The following ROBO2 variants were observed in gnomAD, a reference collection of about 807,000 sequenced individuals.
ROBO2 encodes roundabout guidance receptor 2, also known as roundabout homolog 2.
ROBO2 carries 53 observed loss-of-function variants against 160.8 expected under a neutral mutation model. That is an observed-to-expected ratio of 0.33 (90% CI 0.26 to 0.41). The LOEUF (loss-of-function observed/expected upper bound fraction) is 0.41, where lower values mean the gene tolerates loss of function less well. Ranked by LOEUF, ROBO2 falls within the 10% of genes least tolerant of loss-of-function variation. ROBO2 has a pLI of 1.00. For synonymous variants in ROBO2, 664 were observed against 611.7 expected, an observed-to-expected ratio of 1.09 and a Z score of -1.26; for missense variants, 1,577 against 1,722.4, an observed-to-expected ratio of 0.92 and a Z score of 1.49.
In ROBO2 at chr3:76,166,692, G is replaced by A. The variant is rs2072852447; in HGVS notation, c.109+229090G>A. Among the ~76,000 whole-genome samples, 4 of 152,046 alleles carry A rather than the reference G, an allele frequency of 2.6e-5. No homozygotes were observed. In the South Asian group the frequency reaches 8.3e-4, roughly 32 times the overall value. ...AATCACATATAAAAAAAAAATCCCA[G>A]CATAATATACATGAGAATACACTAG... On this transcript the variant is annotated intron_variant, in intron 2 of 26. Transcript: ENST00000487694.
intron 5 of ROBO2, among the ~76,000 whole-genome samples, chr3:77,500,905 C>G (rs1444430283): frequency 6.6e-6 from 1 of 152,148 alleles, no homozygotes; most frequent in East Asian, 1.9e-4. Flanking sequence ...GGTCAACTAA[C>G]AAGCTGGAAC....
intron 2 of ROBO2, among the ~76,000 whole-genome samples, chr3:77,186,476 G>A (rs931254355): frequency 3.9e-5 from 6 of 151,994 alleles, no homozygotes; most frequent in Non-Finnish European, 7.4e-5. Context: ...GAGCATGCAG[G>A]CAAGGCTGAG....
At chr3:76,199,625 T>C (rs1381864301) in intron 2 of ROBO2, among the ~76,000 whole-genome samples, 2 of 152,070 alleles carry the variant, frequency 1.3e-5, no homozygotes, top group Non-Finnish European at 2.9e-5. Context: ...ACCCACAAAC[T>C]CTGCAACAGC....
chr3:77,094,763 T>G (rs2070810617), intron 1 of ROBO2, among the ~76,000 whole-genome samples: 1 of 152,198 alleles, frequency 6.6e-6, no homozygotes, highest in South Asian at 2.1e-4. Context: ...TAGTTTCGAT[T>G]TGCATTTTTC....
At chr3:76,962,599 T>C (rs2079750979) in intron 2 of ROBO2, among the ~76,000 whole-genome samples, 1 of 145,146 alleles carries the variant, frequency 6.9e-6, no homozygotes, top group Non-Finnish European at 1.5e-5. Flanking sequence ...GATCGTGCCA[T>C]TGCACTCTAG....
chr3:76,871,198 T>C (rs549452975), intron 2 of ROBO2, among the ~76,000 whole-genome samples: 19 of 152,360 alleles, frequency 1.2e-4, no homozygotes, highest in Non-Finnish European at 2.2e-4. Flanking sequence ...CCGTATACTT[T>C]AGTTTTTAAC....
At chr3:76,217,834 C>T (rs1026635431) in intron 2 of ROBO2, among the ~76,000 whole-genome samples, 3 of 152,120 alleles carry the variant, frequency 2.0e-5, no homozygotes, top group Admixed American at 6.5e-5. Flanking sequence ...CATCCTGATG[C>T]CAAAGCCTGA....
chr3:77,144,089 A>G lies in ROBO2; in HGVS notation c.388+45749A>G, dbSNP rs542287837. Reference sequence around the variant, plus strand: ...GACAACCTTTCCTTTTGTAATTCCTATCAGAAAATGCCTTTTCTGCACAGA... The same window carrying G: ...GACAACCTTTCCTTTTGTAATTCCTGTCAGAAAATGCCTTTTCTGCACAGA... On this transcript the variant is annotated intron_variant, in intron 2 of 25. Coordinates refer to ENST00000461745, the Ensembl canonical transcript of ROBO2. 5.6e-4 allele frequency among the ~76,000 whole-genome samples: 85 copies of G among 152,284 alleles called. 1 individual carries two copies. Among genetic ancestry groups the G allele is most frequent in the Non-Finnish European group, 6.8e-4 (46 of 68,024 alleles).
chr3:76,312,403 C>T (rs532073469), intron 2 of ROBO2, among the ~76,000 whole-genome samples: 5 of 152,222 alleles, frequency 3.3e-5, no homozygotes, highest in Admixed American at 2.0e-4. Context: ...TTTCTAAATA[C>T]CCAAGCCCCA....
Position 76,945,659 on chromosome 3 carries a change from C to T in ROBO2, c.110-152355C>T, listed in dbSNP as rs183847244. Among the ~76,000 whole-genome samples, 263 of 152,202 alleles carry T rather than the reference C, an allele frequency of 1.7e-3. 1 individual carries two copies. The highest frequency in any genetic ancestry group is 5.4e-3 in the African/African-American group (224 of 41,536). ...TACTTTTTCCTTCTGTGTTTTATTT[C>T]GAATAAATTTTAACTGCCATGTCCT... On this transcript the variant is annotated intron_variant, in intron 2 of 26. Transcript: ENST00000487694.
chr3:76,768,104 T>C (rs2061673349), intron 2 of ROBO2, among the ~76,000 whole-genome samples: 1 of 151,474 alleles, frequency 6.6e-6, no homozygotes, highest in Admixed American at 6.6e-5. Context: ...TCAGTGTACG[T>C]CCTATGATAA....
At chr3:77,200,586 GA>G (rs1263991216) in intron 2 of ROBO2, among the ~76,000 whole-genome samples, 3 of 151,612 alleles carry the variant, frequency 2.0e-5, no homozygotes, top group Non-Finnish European at 4.4e-5. Flanking sequence ...GCATAAAGAC[GA>G]TGCTCCTAGT....
intron 2 of ROBO2, among the ~76,000 whole-genome samples, chr3:77,303,116 C>T (rs2062799913): frequency 6.6e-6 from 1 of 152,174 alleles, no homozygotes; most frequent in Non-Finnish European, 1.5e-5. Context: ...CTTGCTAATT[C>T]TCTACAATTA....
intron 2 of ROBO2, among the ~76,000 whole-genome samples, chr3:76,507,236 C>T (rs2080845241): frequency 6.6e-6 from 1 of 151,884 alleles, no homozygotes; most frequent in South Asian, 2.1e-4. Flanking sequence ...TTTGAAAATG[C>T]ATGAAGATAA....
At chr3:76,939,620 A>G (rs2078017219) in intron 2 of ROBO2, among the ~76,000 whole-genome samples, 1 of 152,048 alleles carries the variant, frequency 6.6e-6, no homozygotes, top group South Asian at 2.1e-4. Context: ...CTCTATTAAA[A>G]GAATGTACAA....
At chr3:77,195,177 T>C (rs1330057817) in intron 2 of ROBO2, among the ~76,000 whole-genome samples, 1 of 152,250 alleles carries the variant, frequency 6.6e-6, no homozygotes, top group Non-Finnish European at 1.5e-5. Context: ...TCTAATATTC[T>C]TTTTTCCCCG....
chr3:76,343,679 G>T (rs982741611), intron 2 of ROBO2, among the ~76,000 whole-genome samples: 1 of 151,954 alleles, frequency 6.6e-6, no homozygotes, highest in African/African-American at 2.4e-5. Flanking sequence ...ATCAGGAAAT[G>T]GTATCATGCA....
intron 2 of ROBO2, among the ~76,000 whole-genome samples, chr3:76,865,866 A>G (rs550071768): frequency 1.3e-5 from 2 of 152,218 alleles, no homozygotes; most frequent in East Asian, 3.9e-4. Flanking sequence ...TTTATTCCCA[A>G]AGGTAGAATT....
At chr3:76,052,299 A>G (rs1231923842) in intron 2 of ROBO2, among the ~76,000 whole-genome samples, 3 of 152,102 alleles carry the variant, frequency 2.0e-5, no homozygotes, top group Non-Finnish European at 2.9e-5. Context: ...AACATTTATC[A>G]TCTAGCATCA....
Sources: allele counts gnomAD v4.1 joint callset (sites outside exome capture counted in the v4.1 genomes callset), GRCh38; gene constraint gnomAD v4.1.1; transcripts MANE v1.5; gene names NCBI Gene and HGNC (gene_info 2026-07-23, HGNC 2026-07-21).